Variants in RPL7L1 observed in about 807,000 individuals in gnomAD.
RPL7L1 encodes ribosomal protein L7 like 1.
RPL7L1 carries 20 observed loss-of-function variants against 30.3 expected under a neutral mutation model. That is an observed-to-expected ratio of 0.66 (90% CI 0.46 to 0.96). The LOEUF (loss-of-function observed/expected upper bound fraction) is 0.96, where lower values mean the gene tolerates loss of function less well. Ranked by LOEUF, RPL7L1 falls within the 40% of genes least tolerant of loss-of-function variation. RPL7L1 has a pLI of 0.00. For missense variants in RPL7L1, 271 were observed against 314.9 expected (o/e 0.86, Z 1.05); for synonymous variants, 107 against 110.1 (o/e 0.97, Z 0.18).
Position 42,879,880 on chromosome 6 carries a change from GT to G in RPL7L1, c.-30del. ...CTCTATGGTCAAGTAAACAGAGCGT[GT>G]GCTGTCTTCCCCATGTGGTGGGGTT... On this transcript the variant is annotated 5_prime_UTR_variant, in exon 1 of 6. Transcript: ENST00000493763. 6.2e-7 allele frequency: 1 copy of G among 1,612,354 alleles called. No homozygotes were observed. Among genetic ancestry groups the G allele is most frequent in the Non-Finnish European group, 8.5e-7 (1 of 1,178,942 alleles).
Position 42,886,451 on chromosome 6 carries a change from G to A in RPL7L1, c.755G>A (p.Arg252His), listed in dbSNP as rs750539100. The A allele has an allele frequency of 6.5e-6, 10 of 1,542,706 alleles. No homozygotes were observed. The highest frequency in any genetic ancestry group is 2.7e-5 in the African/African-American group (2 of 73,656). The change falls in exon 6 of 6, where the codon CGT (arginine) becomes CAT (histidine). Residue 252 changes from arginine (R) to histidine (H), a missense_variant. Arg to His is a conservative substitution (Grantham distance 29). Transcript: ENST00000493763. ...YRGERINQLI[R>H]QLN ...GGTGAACGCATCAATCAGCTCATCC[G>A]TCAGCTGAACTAGACCCAGGTGAGG...
chr6:42,885,493 A>G (rs557663026), intron 4 of RPL7L1: 1 of 155,396 alleles, frequency 6.4e-6, no homozygotes, highest in East Asian at 1.9e-4. Flanking sequence ...AATGGCATGA[A>G]CCTGGGAGGC....
intron 2 of RPL7L1, chr6:42,882,471 T>C (rs1562510581): frequency 1.3e-5 from 2 of 151,336 alleles, no homozygotes; most frequent in Non-Finnish European, 2.9e-5. Context: ...CATGCGCCTG[T>C]AATCCTAGCT....
intron 1 of RPL7L1, chr6:42,880,585 T>C (rs1043239895): frequency 2.2e-5 from 7 of 324,164 alleles, no homozygotes; most frequent in Middle Eastern, 9.7e-4. Flanking sequence ...GGATCTCGGC[T>C]CGGTGCAACC....
chr6:42,885,592 A>G lies in RPL7L1; in HGVS notation c.450-382A>G, dbSNP rs986803123. Reference sequence around the variant, plus strand: ...GTCTCAAAAAAAAAAAAAGAGTAGTATTCCTCAAACATTGAAACCCAACAA... The same window carrying G: ...GTCTCAAAAAAAAAAAAAGAGTAGTGTTCCTCAAACATTGAAACCCAACAA... On this transcript the variant is annotated intron_variant, in intron 4 of 5. Coordinates refer to ENST00000493763, the MANE Select transcript of RPL7L1 (RefSeq NM_001366481.3). 5 of 172,118 alleles carry G rather than the reference A, an allele frequency of 2.9e-5. No homozygotes were observed. The South Asian group carries it at 6.8e-4, about 23-fold the overall frequency. The allele number at this position is 172,118 out of a possible 1,614,324, so 10.7% of individuals were successfully genotyped here.
At position 42,886,325 on chromosome 6, in the gene RPL7L1, A is replaced by G. The variant is rs1367593294; in HGVS notation, c.629A>G (p.Glu210Gly). The change falls in exon 6 of 6, where the codon GAG (glutamate) becomes GGG (glycine). Residue 210 changes from glutamate (E) to glycine (G), a missense_variant. By Grantham distance (98) the Glu-to-Gly change is moderately conservative. Coordinates refer to ENST00000493763, the MANE Select transcript of RPL7L1 (RefSeq NM_001366481.3). Reference sequence around the variant, plus strand: ...GCCTTCCCAGGGAAGCATTTCCAGGAGATCTCATGGTTCTTGTGCCCTTTC... The same window carrying G: ...GCCTTCCCAGGGAAGCATTTCCAGGGGATCTCATGGTTCTTGTGCCCTTTC... The part of the protein sequence containing the change: ...EIAFPGKHFQ[E>G]ISWFLCPFHL... 1 of 1,609,594 alleles carries G rather than the reference A, an allele frequency of 6.2e-7. No individual in the cohort carries two copies. Among genetic ancestry groups the G allele is most frequent in the African/African-American group, 1.3e-5 (1 of 74,930 alleles).
At position 42,887,239 on chromosome 6, in the gene RPL7L1, G is replaced by A. The variant is rs1766305944; in HGVS notation, c.*775G>A. The A allele has an allele frequency of 6.6e-6, 1 of 152,062 alleles. No homozygotes were observed. The highest frequency in any genetic ancestry group is 2.4e-5 in the African/African-American group (1 of 41,404). The allele number at this position is 152,062 out of a possible 1,614,324, so 9.4% of individuals were successfully genotyped here. ...TGGAAATTTTTATCAAGTATCTTCA[G>A]AGAAGATTATTTCCTGCTTTATCTT... is the stretch of plus-strand genomic sequence containing the variant. On this transcript the variant is annotated 3_prime_UTR_variant, in exon 6 of 6. Coordinates refer to ENST00000493763, the MANE Select transcript of RPL7L1 (RefSeq NM_001366481.3).
In RPL7L1 at chr6:42,889,899, T is replaced by C. The variant is rs935563422; in HGVS notation, c.*3435T>C. 3.9e-5 allele frequency: 6 copies of C among 152,258 alleles called. No individual in the cohort carries two copies. Among genetic ancestry groups the C allele is most frequent in the African/African-American group, 1.4e-4 (6 of 41,464 alleles). The allele number at this position is 152,258 out of a possible 1,614,324, so 9.4% of individuals were successfully genotyped here. On this transcript the variant is annotated 3_prime_UTR_variant, in exon 6 of 6. Transcript: ENST00000493763. ...AAAGATGTTACAAAAATTGCGCACT[T>C]ATATGTATGTACCATGACATAACTA...
intron 4 of RPL7L1, among the ~76,000 whole-genome samples, chr6:42,885,371 G>A (rs1163864094): frequency 8.2e-5 from 12 of 146,676 alleles, no homozygotes; most frequent in South Asian, 2.2e-4. Flanking sequence ...TCACGAGGTC[G>A]GGAGATCGAG....
At position 42,880,915 on chromosome 6, in the gene RPL7L1, T is replaced by A. The variant is rs888342970; in HGVS notation, c.96T>A (p.Tyr32Ter). ...PENLLKKRKA[Y>*]QALKATQAKQ... The stretch of plus-strand genomic sequence containing the variant: ...ATCTCCTGAAAAAGAGGAAGGCTTA[T>A]CAAGCCCTCAAAGCCACCCAGGCAA... The change falls in exon 2 of 6, where the codon TAT becomes TAA. Residue 32 changes from tyrosine to a stop codon, truncating the protein, a stop_gained. Transcript: ENST00000493763. LOFTEE classifies it high-confidence loss of function. 5 of 1,610,078 alleles carry A rather than the reference T, an allele frequency of 3.1e-6. No homozygotes were observed.
At chr6:42,885,925 T>C in intron 4 of RPL7L1, 49 bp from the exon 5 acceptor site, 1 of 973,568 alleles carries the variant, frequency 1.0e-6, no homozygotes. Flanking sequence ...AGGACTGGTA[T>C]GTAGTGTGCC....
rs868789699 is a variant in RPL7L1, at chr6:42,889,610, T to C, written c.*3146T>C. ...ACAAAGTTATGCAAAAAAGCAGTTGTGACTATGGAAGCCCAAGGCTTATAT... is the reference window on the plus strand; with the variant it reads ...ACAAAGTTATGCAAAAAAGCAGTTGCGACTATGGAAGCCCAAGGCTTATAT... On this transcript the variant is annotated 3_prime_UTR_variant, in exon 6 of 6. Transcript: ENST00000493763. The C allele has an allele frequency of 4.6e-5, 7 of 152,582 alleles. No individual in the cohort carries two copies. Among genetic ancestry groups the C allele is most frequent in the Non-Finnish European group, 1.0e-4 (7 of 68,048 alleles). 9.5% of individuals were successfully genotyped at this position (152,582 alleles called of 1,614,324 possible).
At chr6:42,880,040 T>G in intron 1 of RPL7L1, 89 bp downstream of exon 1, 1 of 1,300,792 alleles carries the variant, frequency 7.7e-7, no homozygotes, top group Non-Finnish European at 1.1e-6. Context: ...CGGATTCCTG[T>G]GGGCTCTAGG....
At chr6:42,883,288 G>T in intron 2 of RPL7L1, 163 bp from the exon 3 acceptor site, 1 of 488,908 alleles carries the variant, frequency 2.0e-6, no homozygotes. Context: ...CCTTTACTTT[G>T]GTTTCTCATT....
chr6:42,880,723 G>C, intron 1 of RPL7L1, 138 bp from the exon 2 acceptor site: 2 of 525,410 alleles, frequency 3.8e-6, no homozygotes, highest in South Asian at 4.1e-5. Context: ...ATGTTGGTCA[G>C]GCTGGTCTCG....
Position 42,885,702 on chromosome 6 carries a change from G to A in RPL7L1, c.450-272G>A, listed in dbSNP as rs550589840. The A allele has an allele frequency of 8.0e-6, 3 of 373,378 alleles. No homozygotes were observed. The South Asian group carries it at 9.7e-5, about 12-fold the overall frequency. 23.1% of individuals were successfully genotyped at this position (373,378 alleles called of 1,614,324 possible). A position where few individuals can be genotyped will look rare whatever the true frequency, so the allele number is the denominator to read the frequency against. ...GAGTCGTAGCCCCTAAGGTAAGCTA[G>A]GACATGGTTTCTGTTTTGTTTTTGT... is the stretch of plus-strand genomic sequence containing the variant. On this transcript the variant is annotated intron_variant, in intron 4 of 5. Coordinates refer to ENST00000493763, the MANE Select transcript of RPL7L1 (RefSeq NM_001366481.3).
chr6:42,880,838 C>G (rs1398703336), intron 1 of RPL7L1, 23 bp from the exon 2 acceptor site: 1 of 1,355,998 alleles, frequency 7.4e-7, no homozygotes, highest in East Asian at 2.3e-5. Context: ...AATGTTATCT[C>G]TGATCTCAAT....
chr6:42,881,320 C>T, intron 2 of RPL7L1: 1 of 157,902 alleles, frequency 6.3e-6, no homozygotes, highest in Non-Finnish European at 1.4e-5. Flanking sequence ...AAAAAATTAG[C>T]CGGGCATGGT....
Position 42,888,321 on chromosome 6 carries a change from C to A in RPL7L1, c.*1857C>A, listed in dbSNP as rs1454713007. The A allele has an allele frequency of 2.0e-5, 3 of 152,088 alleles. No homozygotes were observed. The highest frequency in any genetic ancestry group is 4.4e-5 in the Non-Finnish European group (3 of 68,034). The allele number at this position is 152,088 out of a possible 1,614,324, so 9.4% of individuals were successfully genotyped here. A position where few individuals can be genotyped will look rare whatever the true frequency, so the allele number is the denominator to read the frequency against. ...CATGTACCACCACACCCAGCTAATT[C>A]TTGTATTTTTAGTAGAGATGGAGAC... On this transcript the variant is annotated 3_prime_UTR_variant, in exon 6 of 6. Transcript: ENST00000493763.
Sources: gnomAD v4.1 joint callset for allele counts (sites outside exome capture counted in the v4.1 genomes callset) on GRCh38, gnomAD v4.1.1 for gene constraint, MANE v1.5 for transcripts, NCBI Gene and HGNC (gene_info 2026-07-23, HGNC 2026-07-21) for gene names.